SLC3A2: variants seen among roughly 807,000 people sequenced by gnomAD.
SLC3A2 encodes the protein amino acid transporter heavy chain SLC3A2.
SLC3A2 carries 32 observed loss-of-function variants against 48.5 expected under a neutral mutation model. The observed-to-expected ratio is 0.66, with a 90% CI of 0.50 to 0.89. The LOEUF (loss-of-function observed/expected upper bound fraction) is 0.89, where lower values mean the gene tolerates loss of function less well. SLC3A2 is among the 40% of genes least tolerant of loss of function. The pLI is 0.00. For missense variants in SLC3A2, 587 were observed against 680.7 expected, an observed-to-expected ratio of 0.86 and a Z score of 1.53; for synonymous variants, 277 against 288.8, an observed-to-expected ratio of 0.96 and a Z score of 0.41.
chr11:62,868,937 C>T (rs1406341495), intron 1 of SLC3A2, among the ~76,000 whole-genome samples: 2 of 150,306 alleles, frequency 1.3e-5, no homozygotes, highest in Admixed American at 6.6e-5. Flanking sequence ...CTCATTCTGT[C>T]GCCCAGGCTG....
upstream of SLC3A2, chr11:62,876,939 T>G: frequency 1.0e-6 from 1 of 991,990 alleles, no homozygotes; most frequent in Non-Finnish European, 1.2e-6. Flanking sequence ...AGTCTTGGTT[T>G]GTTTTCCTGC....
chr11:62,863,155 A>C (rs551730653), intron 1 of SLC3A2, among the ~76,000 whole-genome samples: 1 of 152,252 alleles, frequency 6.6e-6, no homozygotes, highest in African/African-American at 2.4e-5. Flanking sequence ...CCCTGACCTT[A>C]AGTGATCAGC....
chr11:62,881,836 G>A lies in SLC3A2; in HGVS notation c.425-57G>A. 1.9e-6 allele frequency: 3 copies of A among 1,578,392 alleles called. No individual in the cohort carries two copies. The highest frequency in any genetic ancestry group is 2.6e-6 in the Non-Finnish European group (3 of 1,155,314). ...CTTAGGCGCTGGGAGAAGGGAGGGT[G>A]GGGAGGTCAGGGGCCTCTCAGAGGG... On this transcript the variant is annotated intron_variant, in intron 1 of 8. Coordinates refer to ENST00000338663, the MANE Select transcript of SLC3A2 (RefSeq NM_001013251.3). The surrounding 1 kb of genome is among the most constrained non-coding windows in gnomAD (Gnocchi z 4.0).
chr11:62,888,264 G>A (rs2085740825), intron 8 of SLC3A2, 46 bp downstream of exon 8: 17 of 1,610,048 alleles, frequency 1.1e-5, no homozygotes, highest in Non-Finnish European at 1.4e-5. Context: ...AGGGTGGGCT[G>A]GGCTTGTAGA....
chr11:62,881,810 C>A lies in SLC3A2; in HGVS notation c.425-83C>A. ...CCCCTTTGCCCCCTCCCCGTCCCAC[C>A]CTTAGGCGCTGGGAGAAGGGAGGGT... On this transcript the variant is annotated intron_variant, in intron 1 of 8. Coordinates refer to ENST00000338663, the MANE Select transcript of SLC3A2 (RefSeq NM_001013251.3). This position sits in a 1 kb window ranked among gnomAD's most constrained non-coding sequence, Gnocchi z 4.0. 2 of 1,521,920 alleles carry A rather than the reference C, an allele frequency of 1.3e-6. No homozygotes were observed. The highest frequency in any genetic ancestry group is 1.8e-6 in the Non-Finnish European group (2 of 1,115,768). 94.3% of individuals were successfully genotyped at this position (1,521,920 alleles called of 1,614,324 possible).
At chr11:62,882,236 G>A in intron 2 of SLC3A2, 170 bp downstream of exon 2, 5 of 749,094 alleles carry the variant, frequency 6.7e-6, no homozygotes, top group Non-Finnish European at 8.5e-6. Context: ...AGTCGTCTGG[G>A]GGCTTTCTAC....
At chr11:62,882,792 C>A (rs1182154087) in intron 2 of SLC3A2, 116 bp from the exon 3 acceptor site, 1 of 896,882 alleles carries the variant, frequency 1.1e-6, no homozygotes, top group Non-Finnish European at 1.8e-6. Flanking sequence ...GGTTCAAATT[C>A]AAGCTTTTGT....
intron 1 of SLC3A2, among the ~76,000 whole-genome samples, chr11:62,859,358 G>C (rs1256257205): frequency 6.6e-6 from 1 of 152,182 alleles, no homozygotes; most frequent in African/African-American, 2.4e-5. Flanking sequence ...TTGGGGGTAA[G>C]GTCACAGAAT....
chr11:62,883,542 A>T (rs1244156966), intron 3 of SLC3A2: 1 of 181,972 alleles, frequency 5.5e-6, no homozygotes, highest in Non-Finnish European at 1.2e-5. Flanking sequence ...CTAGCTCCTG[A>T]TGTCTGGGTC....
chr11:62,883,452 G>C (rs1266263180), intron 3 of SLC3A2: 1 of 192,020 alleles, frequency 5.2e-6, no homozygotes, highest in African/African-American at 2.3e-5. Context: ...CTAATTCTCT[G>C]TATAACCATA....
At position 62,885,307 on chromosome 11, in the gene SLC3A2, C is replaced by T. The variant is rs4726; in HGVS notation, c.949C>T (p.Leu317=). The T allele has an allele frequency of 0.21, 343,225 of 1,614,036 alleles. 39,717 individuals carry two copies. The highest frequency in any genetic ancestry group is 0.24 in the Non-Finnish European group (282,200 of 1,179,956). Residue 317 remains leucine (L), a synonymous_variant, in exon 6 of 9, where the codon CTA becomes TTA. Transcript: ENST00000338663. ...SGSTGEHTKS[L]VTQYLNATGN... is the part of the protein sequence containing the mutation. Reference sequence around the variant, plus strand: ...TTCTACTGGGGAGCATACAAAATCCCTAGTCACACAGTATTTGAATGCCAC... The same window carrying T: ...TTCTACTGGGGAGCATACAAAATCCTTAGTCACACAGTATTTGAATGCCAC...
At chr11:62,868,295 A>T (rs2085474246) in intron 1 of SLC3A2, among the ~76,000 whole-genome samples, 1 of 151,538 alleles carries the variant, frequency 6.6e-6, no homozygotes. Flanking sequence ...TGTTTTGTGT[A>T]CATGTGTGAG....
At chr11:62,887,871 C>T (rs2085735215) in intron 7 of SLC3A2, 2 of 356,974 alleles carry the variant, frequency 5.6e-6, no homozygotes, top group South Asian at 6.5e-5. Flanking sequence ...TGGCTCACTG[C>T]AAGCTCAAAC....
Position 62,881,482 on chromosome 11 carries a change from G to A in SLC3A2, c.424+35G>A. The A allele has an allele frequency of 6.5e-7, 1 of 1,531,660 alleles. No homozygotes were observed. Among genetic ancestry groups the A allele is most frequent in the Non-Finnish European group, 8.7e-7 (1 of 1,146,400 alleles). 94.9% of individuals were successfully genotyped at this position (1,531,660 alleles called of 1,614,324 possible). A position where few individuals can be genotyped will look rare whatever the true frequency, so the allele number is the denominator to read the frequency against. On this transcript the variant is annotated intron_variant, in intron 1 of 8. Coordinates refer to ENST00000338663, the MANE Select transcript of SLC3A2 (RefSeq NM_001013251.3). The surrounding 1 kb of genome is among the most constrained non-coding windows in gnomAD (Gnocchi z 4.0). ...GCGCGCCCCCGTCCCGGGTACCTCC[G>A]GTTGAATCTGGTGGCTTGCACCGAC...
chr11:62,888,779 A>AGGGCCGGGCGCGGTGGCTC lies in SLC3A2; in HGVS notation c.*86_*87insGGGCCGGGCGCGGTGGCTC. The AGGGCCGGGCGCGGTGGCTC allele has an allele frequency of 1.5e-6, 2 of 1,318,376 alleles. No homozygotes were observed. The highest frequency in any genetic ancestry group is 4.6e-5 in the Admixed American group (2 of 43,026). 81.7% of individuals were successfully genotyped at this position (1,318,376 alleles called of 1,614,324 possible). A position where few individuals can be genotyped will look rare whatever the true frequency, so the allele number is the denominator to read the frequency against. ...ATTTTTCTCTTTTTTAAAAACAAAC[A>AGGGCCGGGCGCGGTGGCTC]AACAAACTGTTGCAGATTATGAGTG... On this transcript the variant is annotated 3_prime_UTR_variant, in exon 9 of 9. Transcript: ENST00000338663.
chr11:62,880,956 G>A lies in SLC3A2; in HGVS notation c.-68G>A, dbSNP rs1001631906. 6.7e-7 allele frequency: 1 copy of A among 1,495,968 alleles called. No individual in the cohort carries two copies. The allele number at this position is 1,495,968 out of a possible 1,614,324, so 92.7% of individuals were successfully genotyped here. ...GCCGGGGAGAGCGTTCTGGGTCCGA[G>A]GGTCCAGGTAGGGGTTGAGCCACCA... On this transcript the variant is annotated 5_prime_UTR_variant, in exon 1 of 9. Transcript: ENST00000338663.
Position 62,884,680 on chromosome 11 carries a change from A to G in SLC3A2, c.808A>G (p.Ser270Gly). The G allele has an allele frequency of 6.2e-7, 1 of 1,604,730 alleles. No homozygotes were observed. The highest frequency in any genetic ancestry group is 8.5e-7 in the Non-Finnish European group (1 of 1,173,872). Residue 270 changes from serine (S) to glycine (G), a missense_variant, in exon 5 of 9, where the codon AGT becomes GGT. Physicochemically the swap from Ser to Gly is moderately conservative, Grantham distance 56. This residue lies in a region of SLC3A2 where 409 missense variants were observed against 446.7 expected (regional missense o/e 0.92). Transcript: ENST00000338663. ...AEWQNITKGF[S>G]EDRLLIAGTN... ...GTGGCAAAATATCACCAAGGGCTTC[A>G]GTGAAGACAGGTGGGTGCAGGAGCC...
At position 62,875,769 on chromosome 11, in the gene SLC3A2, G is replaced by A. The variant is rs191512086; in HGVS notation, c.113-5250G>A. ...TTTAGTAGAGATGGGGTTTCACCAC[G>A]TTGGCCAGGCTGGTCTCAAACTCCT... On this transcript the variant is annotated intron_variant, in intron 1 of 9. Coordinates refer to the SLC3A2 transcript ENST00000377889. Among the ~76,000 whole-genome samples the A allele has an allele frequency of 5.6e-3, 852 of 152,196 alleles. 3 individuals carry two copies. The highest frequency in any genetic ancestry group is 0.027 in the Middle Eastern group (8 of 294).
chr11:62,869,938 A>G (rs1302454294), intron 1 of SLC3A2, among the ~76,000 whole-genome samples: 2 of 151,090 alleles, frequency 1.3e-5, no homozygotes, highest in Non-Finnish European at 2.9e-5. Flanking sequence ...GCCTGCCACC[A>G]CGCCCAGCTA....
Sources: allele counts gnomAD v4.1 joint callset (sites outside exome capture counted in the v4.1 genomes callset), GRCh38; gene constraint gnomAD v4.1.1; regional missense constraint gnomAD v4.1.1; non-coding constraint Gnocchi (gnomAD v3.1); transcripts MANE v1.5; gene names NCBI Gene and HGNC (gene_info 2026-07-23, HGNC 2026-07-21).